The following SNTG1 variants were observed in gnomAD, a reference collection of about 807,000 sequenced individuals.
The protein encoded by SNTG1 is gamma-1-syntrophin.
In SNTG1, 39 loss-of-function variants were observed where a neutral mutation model predicts 74.7. The observed-to-expected ratio is 0.52, with a 90% CI of 0.40 to 0.68. The LOEUF (loss-of-function observed/expected upper bound fraction) is 0.68. Ranked by LOEUF, SNTG1 falls within the 30% of genes least tolerant of loss-of-function variation. SNTG1 has a pLI of 0.00. For synonymous variants in SNTG1, 254 were observed against 217.1 expected (o/e 1.17, Z -1.49); for missense variants, 685 against 609.5 (o/e 1.12, Z -1.30).
intron 1 of SNTG1, among the ~76,000 whole-genome samples, chr8:50,097,503 G>A (rs2079970041): frequency 1.3e-5 from 2 of 152,068 alleles, no homozygotes; most frequent in South Asian, 2.1e-4. Flanking sequence ...ACTAAGGAGA[G>A]AGGCCGGGCG....
chr8:50,024,870 T>C (rs1049323442), intron 1 of SNTG1, among the ~76,000 whole-genome samples: 1 of 152,092 alleles, frequency 6.6e-6, no homozygotes, highest in African/African-American at 2.4e-5. Flanking sequence ...GCTGGACAAA[T>C]GAATGATTCA....
rs529603527 is a variant in SNTG1, at chr8:50,134,095, A to C, written c.-102-38466A>C. Among the ~76,000 whole-genome samples, 183 of 152,274 alleles carry C rather than the reference A, an allele frequency of 1.2e-3. 2 individuals carry two copies. The highest frequency in any genetic ancestry group is 4.2e-3 in the African/African-American group (174 of 41,562). On this transcript the variant is annotated intron_variant, in intron 1 of 18. Coordinates refer to ENST00000642720, the MANE Select transcript of SNTG1 (RefSeq NM_018967.5). ...AGGGGCTGCCAAGATTCAGTACATA[A>C]TATGCCATTCATGGAACTCAATCTA...
chr8:50,616,730 A>C (rs2094887708), intron 13 of SNTG1, among the ~76,000 whole-genome samples: 1 of 152,174 alleles, frequency 6.6e-6, no homozygotes, highest in Non-Finnish European at 1.5e-5. Context: ...TGATTAGATA[A>C]TTGTGCCTTT....
intron 13 of SNTG1, 50 bp downstream of exon 13, chr8:50,590,967 T>C (rs771217931): frequency 4.3e-5 from 56 of 1,304,220 alleles, no homozygotes; most frequent in Middle Eastern, 4.2e-4. Context: ...TCTTTAATTT[T>C]ATTGATTATA....
At chr8:50,446,536 G>A (rs1289114827) in intron 5 of SNTG1, among the ~76,000 whole-genome samples, 2 of 151,930 alleles carry the variant, frequency 1.3e-5, no homozygotes, top group Non-Finnish European at 2.9e-5. Flanking sequence ...AAAATTAGCT[G>A]GGCATGATGG....
At chr8:50,186,027 G>T (rs1271327023) in intron 2 of SNTG1, among the ~76,000 whole-genome samples, 1 of 152,016 alleles carries the variant, frequency 6.6e-6, no homozygotes, top group African/African-American at 2.4e-5. Context: ...AGGTCTGTGT[G>T]TGTTGTTCCT....
chr8:50,054,247 C>T (rs1192463935), intron 1 of SNTG1, among the ~76,000 whole-genome samples: 2 of 152,056 alleles, frequency 1.3e-5, no homozygotes, highest in Non-Finnish European at 2.9e-5. Context: ...CCCTTCTCAG[C>T]AAATGATGTC....
rs1381048539 is a variant in SNTG1 at position 50,376,756 on chromosome 8, T to TATAGAGAGAGAGAGAG, written c.-27-17455_-27-17454insTAGAGAGAGAGAGAGA. On this transcript the variant is annotated intron_variant, in intron 2 of 18. Transcript: ENST00000642720. Reference sequence around the variant, plus strand: ...ATATATATATATATATATATATATATAGAGAGAGAGAGAGAGAGAGAGAGA... The same window carrying TATAGAGAGAGAGAGAG: ...ATATATATATATATATATATATATATATAGAGAGAGAGAGAGAGAGAGAGAGAGAGAGAGAGAGAGA... 5.3e-3 allele frequency among the ~76,000 whole-genome samples: 480 copies of TATAGAGAGAGAGAGAG among 89,880 alleles called. 2 individuals carry two copies. The highest frequency in any genetic ancestry group is 8.5e-3 in the Non-Finnish European group (380 of 44,574). The allele number at this position is 89,880 out of a possible 152,430, so 59.0% of individuals were successfully genotyped here.
At chr8:50,299,921 C>A (rs1241066692) in intron 2 of SNTG1, among the ~76,000 whole-genome samples, 1 of 152,112 alleles carries the variant, frequency 6.6e-6, no homozygotes, top group East Asian at 1.9e-4. Context: ...TCAACTTTAT[C>A]TTTCATAGCA....
intron 8 of SNTG1, among the ~76,000 whole-genome samples, chr8:50,502,228 T>C (rs997604804): frequency 4.6e-5 from 7 of 152,016 alleles, no homozygotes; most frequent in Admixed American, 3.9e-4. Flanking sequence ...GTAATGCCTA[T>C]TTATTTTTTG....
At chr8:50,487,761 C>T (rs1402894774) in intron 8 of SNTG1, among the ~76,000 whole-genome samples, 1 of 151,372 alleles carries the variant, frequency 6.6e-6, no homozygotes, top group African/African-American at 2.4e-5. Flanking sequence ...GGGTGCAGTG[C>T]ACCAGCATGG....
At chr8:50,430,460 T>C (rs1337717723) in intron 4 of SNTG1, among the ~76,000 whole-genome samples, 3 of 152,130 alleles carry the variant, frequency 2.0e-5, no homozygotes, top group Non-Finnish European at 4.4e-5. Flanking sequence ...ATTCCCTTCA[T>C]CCACCACCCG....
intron 1 of SNTG1, among the ~76,000 whole-genome samples, chr8:49,936,324 G>C (rs756007220): frequency 4.6e-5 from 7 of 152,006 alleles, no homozygotes; most frequent in Non-Finnish European, 8.8e-5. Context: ...TGAAAATTCA[G>C]TGTGCTGAAA....
intron 18 of SNTG1, among the ~76,000 whole-genome samples, chr8:50,787,846 G>A (rs2095680056): frequency 6.6e-6 from 1 of 152,166 alleles, no homozygotes; most frequent in East Asian, 1.9e-4. Flanking sequence ...GAAGAGAGAG[G>A]AAATGAGGAG....
intron 1 of SNTG1, among the ~76,000 whole-genome samples, chr8:49,913,910 A>G (rs1023732758): frequency 2.6e-5 from 4 of 152,178 alleles, no homozygotes; most frequent in African/African-American, 9.6e-5. Context: ...TTCCCTCCTC[A>G]GGGGCAGAGG....
chr8:50,346,510 A>G (rs2091481420), intron 2 of SNTG1, among the ~76,000 whole-genome samples: 2 of 152,164 alleles, frequency 1.3e-5, no homozygotes, highest in African/African-American at 4.8e-5. Flanking sequence ...TAACTCCACA[A>G]TGGCCTCCTA....
intron 1 of SNTG1, among the ~76,000 whole-genome samples, chr8:49,998,627 G>C (rs1393957175): frequency 9.5e-6 from 1 of 105,808 alleles, no homozygotes; most frequent in African/African-American, 4.1e-5. Flanking sequence ...CACACACACA[G>C]TATCCTAGGC....
chr8:50,757,498 T>C (rs1195473414), intron 18 of SNTG1, among the ~76,000 whole-genome samples: 2 of 151,900 alleles, frequency 1.3e-5, no homozygotes, highest in South Asian at 2.1e-4. Context: ...ACTATTGCTT[T>C]CTTCAGGTTA....
intron 1 of SNTG1, among the ~76,000 whole-genome samples, chr8:49,937,753 A>C (rs1808217274): frequency 6.6e-6 from 1 of 152,154 alleles, no homozygotes; most frequent in East Asian, 1.9e-4. Context: ...ATACCAACCA[A>C]ATGCAATGTG....
Sources: gnomAD v4.1 joint callset for allele counts (sites outside exome capture counted in the v4.1 genomes callset) on GRCh38, gnomAD v4.1.1 for gene constraint, MANE v1.5 for transcripts, NCBI Gene and HGNC (gene_info 2026-07-23, HGNC 2026-07-21) for gene names.